The following AUTS2 variants were observed in gnomAD, a reference collection of about 807,000 sequenced individuals.
AUTS2 encodes autism susceptibility gene 2 protein.
In AUTS2, 17 loss-of-function variants were observed where a neutral mutation model predicts 112.4. The observed-to-expected ratio is 0.15, with a 90% confidence interval of 0.10 to 0.23. The LOEUF (loss-of-function observed/expected upper bound fraction) is 0.23, where lower values mean the gene tolerates loss of function less well. Among genes scored for constraint, AUTS2 ranks in the 10% least tolerant of loss-of-function variants. AUTS2 has a pLI of 1.00. For synonymous variants in AUTS2, 751 were observed against 702.7 expected, an observed-to-expected ratio of 1.07 and a Z score of -1.09; for missense variants, 1,510 against 1,701.6, an observed-to-expected ratio of 0.89 and a Z score of 1.98.
intron 1 of AUTS2, among the ~76,000 whole-genome samples, chr7:69,815,343 T>G (rs1423828945): frequency 1.3e-5 from 2 of 152,112 alleles, no homozygotes; most frequent in African/African-American, 4.8e-5. Flanking sequence ...TATATCTATA[T>G]CTCCTTAAGA....
Position 70,110,210 on chromosome 7 carries a change from A to T in AUTS2, c.523-7922A>T, listed in dbSNP as rs574965269. Among the ~76,000 whole-genome samples, 12 of 152,196 alleles carry T rather than the reference A, an allele frequency of 7.9e-5. No homozygotes were observed. In the East Asian group the frequency reaches 2.1e-3, roughly 27 times the overall value. Reference sequence around the variant, plus strand: ...TATATAGTTAGATTGATCTTGGCTTATTTTCCTTTTTAAATTTTATTAGGG... The same window carrying T: ...TATATAGTTAGATTGATCTTGGCTTTTTTTCCTTTTTAAATTTTATTAGGG... On this transcript the variant is annotated intron_variant, in intron 2 of 18. Transcript: ENST00000342771.
At chr7:70,303,971 C>T (rs1012587077) in intron 4 of AUTS2, among the ~76,000 whole-genome samples, 2 of 152,148 alleles carry the variant, frequency 1.3e-5, no homozygotes, top group Non-Finnish European at 2.9e-5. Flanking sequence ...ATCTCTGACT[C>T]CTCTAGAGAT....
chr7:69,837,200 T>G (rs1168248780), intron 1 of AUTS2, among the ~76,000 whole-genome samples: 1 of 152,174 alleles, frequency 6.6e-6, no homozygotes, highest in East Asian at 1.9e-4. Flanking sequence ...ATTATGAGGA[T>G]TCTGTGAAAC....
chr7:70,072,007 G>A (rs1012598951), intron 2 of AUTS2, among the ~76,000 whole-genome samples: 8 of 152,164 alleles, frequency 5.3e-5, no homozygotes, highest in Non-Finnish European at 1.0e-4. Flanking sequence ...CGGCCCAAGG[G>A]AAAACTCTGC....
chr7:70,590,940 C>CCCACTA (rs1802913804), intron 5 of AUTS2, among the ~76,000 whole-genome samples: 1 of 152,148 alleles, frequency 6.6e-6, no homozygotes, highest in Non-Finnish European at 1.5e-5. Context: ...AAGCAGAGTG[C>CCCACTA]CCACTACATT....
intron 1 of AUTS2, among the ~76,000 whole-genome samples, chr7:69,791,539 T>C (rs1789607622): frequency 6.6e-6 from 1 of 152,218 alleles, no homozygotes; most frequent in Non-Finnish European, 1.5e-5. Flanking sequence ...TTCTAATTTA[T>C]GGCTAAAATG....
intron 5 of AUTS2, among the ~76,000 whole-genome samples, chr7:70,553,718 TA>T (rs1454975919): frequency 6.6e-6 from 1 of 151,538 alleles, no homozygotes; most frequent in Admixed American, 6.6e-5. Context: ...TTTAAGACTT[TA>T]AAGGTTGTAT....
At chr7:70,029,972 G>C (rs1046792576) in intron 2 of AUTS2, among the ~76,000 whole-genome samples, 2 of 152,160 alleles carry the variant, frequency 1.3e-5, no homozygotes, top group Non-Finnish European at 2.9e-5. Context: ...AAAAGCTCCA[G>C]GTGCTGCCAC....
chr7:70,272,701 T>C (rs1025990890), intron 4 of AUTS2, among the ~76,000 whole-genome samples: 3 of 152,010 alleles, frequency 2.0e-5, no homozygotes, highest in African/African-American at 7.3e-5. Flanking sequence ...CTCTCATACA[T>C]CTATAGTACT....
chr7:70,783,512 G>A (rs1395074234), intron 15 of AUTS2: 5 of 152,116 alleles, frequency 3.3e-5, no homozygotes, highest in East Asian at 1.9e-4. Flanking sequence ...TTTTCCTAAG[G>A]GAATTTATAT....
Position 70,500,026 on chromosome 7 carries a change from G to A in AUTS2, c.690+64245G>A, listed in dbSNP as rs150700120. On this transcript the variant is annotated intron_variant, in intron 5 of 18. Coordinates refer to ENST00000342771, the MANE Select transcript of AUTS2 (RefSeq NM_015570.4). ...CATAGCTCAAGACACGATGTCCTTC[G>A]GAAAATAGACAGTGAGTGTATATGT... is the stretch of plus-strand genomic sequence containing the variant. Among the ~76,000 whole-genome samples the A allele has an allele frequency of 2.1e-4, 32 of 152,178 alleles. No homozygotes were observed. The East Asian group carries it at 5.8e-3, about 28-fold the overall frequency.
At chr7:70,689,547 C>T (rs535793501) in intron 5 of AUTS2, among the ~76,000 whole-genome samples, 38 of 152,028 alleles carry the variant, frequency 2.5e-4, no homozygotes, top group Non-Finnish European at 4.3e-4. Context: ...GAGGCTGAGG[C>T]GGGCAGATCA....
chr7:70,349,853 A>C (rs1357628537), intron 4 of AUTS2, among the ~76,000 whole-genome samples: 2 of 152,196 alleles, frequency 1.3e-5, no homozygotes, highest in African/African-American at 4.8e-5. Context: ...AATCAGCTGG[A>C]CGTCAATACC....
intron 1 of AUTS2, among the ~76,000 whole-genome samples, chr7:69,710,099 T>A (rs1263945655): frequency 1.3e-5 from 2 of 152,262 alleles, no homozygotes; most frequent in East Asian, 1.9e-4. Context: ...TCTAGCTCCC[T>A]ATTGTCAAAA....
At chr7:70,501,121 T>G (rs986861747) in intron 5 of AUTS2, among the ~76,000 whole-genome samples, 8 of 152,228 alleles carry the variant, frequency 5.3e-5, no homozygotes, top group Non-Finnish European at 1.2e-4. Context: ...TCTCACCTAT[T>G]CAGATTTATT....
intron 5 of AUTS2, among the ~76,000 whole-genome samples, chr7:70,676,367 G>C (rs1329563025): frequency 6.6e-6 from 1 of 152,100 alleles, no homozygotes; most frequent in East Asian, 1.9e-4. Flanking sequence ...TTGAGGTCGA[G>C]GCTGCAGTGA....
chr7:69,988,811 G>A lies in AUTS2; in HGVS notation c.522+89313G>A, dbSNP rs534442667. Among the ~76,000 whole-genome samples the A allele has an allele frequency of 2.1e-4, 32 of 152,200 alleles. 1 individual carries two copies. Among genetic ancestry groups the A allele is most frequent in the Admixed American group, 1.6e-3 (25 of 15,284 alleles). Reference sequence around the variant, plus strand: ...GCTTCCTGTTTAATTTCCCGTACTCGTGGGAGTGATAATACATTAAGCTCA... The same window carrying A: ...GCTTCCTGTTTAATTTCCCGTACTCATGGGAGTGATAATACATTAAGCTCA... On this transcript the variant is annotated intron_variant, in intron 2 of 18. Transcript: ENST00000342771.
At chr7:70,039,464 G>A (rs1282714013) in intron 2 of AUTS2, among the ~76,000 whole-genome samples, 2 of 152,072 alleles carry the variant, frequency 1.3e-5, no homozygotes, top group Non-Finnish European at 2.9e-5. Context: ...CTGGGTTCCA[G>A]CAGTTCTCCT....
chr7:70,323,659 C>T (rs1313075010), intron 4 of AUTS2, among the ~76,000 whole-genome samples: 2 of 152,202 alleles, frequency 1.3e-5, no homozygotes, highest in East Asian at 3.9e-4. Flanking sequence ...TCGCAACTCA[C>T]ATATCTTATT....
Sources: gnomAD v4.1 joint callset for allele counts (sites outside exome capture counted in the v4.1 genomes callset) on GRCh38, gnomAD v4.1.1 for gene constraint, MANE v1.5 for transcripts, NCBI Gene and HGNC (gene_info 2026-07-23, HGNC 2026-07-21) for gene names.